Variants in NALF1 observed in about 807,000 individuals in gnomAD.
NALF1 encodes the protein family with sequence similarity 155 member A.
Under a neutral mutation model 48.4 loss-of-function variants are expected in NALF1, and 3 were observed. The observed-to-expected ratio is 0.06, with a 90% CI of 0.03 to 0.16. NALF1 has a LOEUF of 0.16. NALF1 is among the 10% of genes least tolerant of loss of function. NALF1 has a pLI of 1.00. For missense variants in NALF1, 526 were observed against 571.5 expected, an observed-to-expected ratio of 0.92 and a Z score of 0.81; for synonymous variants, 262 against 245.7, an observed-to-expected ratio of 1.07 and a Z score of -0.62.
chr13:107,525,159 G>A (rs1408884424), intron 1 of NALF1, among the ~76,000 whole-genome samples: 2 of 151,988 alleles, frequency 1.3e-5, no homozygotes, highest in African/African-American at 2.4e-5. Flanking sequence ...CTTTCTTAGT[G>A]TGTATAGTTC....
intron 1 of NALF1, among the ~76,000 whole-genome samples, chr13:107,266,325 T>G (rs924536312): frequency 6.6e-6 from 1 of 152,178 alleles, no homozygotes; most frequent in African/African-American, 2.4e-5. Context: ...ATTAATGAAA[T>G]TACATTTTTA....
At chr13:107,818,218 T>C (rs919392371) in intron 1 of NALF1, among the ~76,000 whole-genome samples, 1 of 152,138 alleles carries the variant, frequency 6.6e-6, no homozygotes, top group Non-Finnish European at 1.5e-5. Flanking sequence ...CCCGTTCAGT[T>C]AGACACACGG....
intron 1 of NALF1, among the ~76,000 whole-genome samples, chr13:107,410,253 T>C (rs1883966924): frequency 6.6e-6 from 1 of 152,128 alleles, no homozygotes; most frequent in Non-Finnish European, 1.5e-5. Flanking sequence ...CTGATTTCTC[T>C]CCATTCCACA....
intron 1 of NALF1, among the ~76,000 whole-genome samples, chr13:107,581,704 T>C (rs1462936017): frequency 6.6e-6 from 1 of 152,202 alleles, no homozygotes. Context: ...CCTTGAGCCC[T>C]GTACAGCTCA....
chr13:107,479,531 T>A (rs1258629639), intron 1 of NALF1, among the ~76,000 whole-genome samples: 4 of 152,140 alleles, frequency 2.6e-5, no homozygotes, highest in Admixed American at 2.6e-4. Flanking sequence ...CCTATATGTA[T>A]CCACCTTCAT....
chr13:107,658,066 C>T (rs907566599), intron 1 of NALF1, among the ~76,000 whole-genome samples: 21 of 152,078 alleles, frequency 1.4e-4, no homozygotes, highest in African/African-American at 4.1e-4. Flanking sequence ...TTTAAAATGC[C>T]GATTGTTGGT....
Position 107,370,684 on chromosome 13 carries a change from T to C in NALF1, c.916-159929A>G, listed in dbSNP as rs546453379. On this transcript the variant is annotated intron_variant, in intron 1 of 2. Coordinates refer to ENST00000375915, the MANE Select transcript of NALF1 (RefSeq NM_001080396.3). ...ATACTGGAAAGCAAAACAGTTGTAT[T>C]AGTCCGTTCTCATGCTGCGAACAAA... Among the ~76,000 whole-genome samples the C allele has an allele frequency of 3.3e-5, 5 of 152,346 alleles. No homozygotes were observed. The South Asian group carries it at 1.0e-3, about 32-fold the overall frequency.
chr13:107,299,460 A>T (rs1439518655), intron 1 of NALF1, among the ~76,000 whole-genome samples: 1 of 48,570 alleles, frequency 2.1e-5, no homozygotes, highest in Non-Finnish European at 5.9e-5. Flanking sequence ...TAATAATAAT[A>T]ATAATAATAA....
At position 107,805,512 on chromosome 13, in the gene NALF1, CT is replaced by C. The variant is rs111751614; in HGVS notation, c.915+60169del. Reference sequence around the variant, plus strand: ...TGCATTCCCCACTCTCCCAGGAGCTCTTTTGTTCTTACAGAGGGATAGAAAT... The same window carrying C: ...TGCATTCCCCACTCTCCCAGGAGCTCTTTGTTCTTACAGAGGGATAGAAAT... On this transcript the variant is annotated intron_variant, in intron 1 of 2. Coordinates refer to ENST00000375915, the MANE Select transcript of NALF1 (RefSeq NM_001080396.3). Among the ~76,000 whole-genome samples the C allele has an allele frequency of 7.3e-3, 1,116 of 152,198 alleles. 12 individuals are homozygous for C. Among genetic ancestry groups the C allele is most frequent in the African/African-American group, 0.025 (1,056 of 41,520 alleles).
chr13:107,512,173 T>A (rs1875914420), intron 1 of NALF1, among the ~76,000 whole-genome samples: 1 of 152,164 alleles, frequency 6.6e-6, no homozygotes, highest in Non-Finnish European at 1.5e-5. Context: ...GGCGGGTGGA[T>A]CACGAGGTCA....
chr13:107,256,688 ACT>A, intron 1 of NALF1, among the ~76,000 whole-genome samples: 1 of 120,064 alleles, frequency 8.3e-6, no homozygotes, highest in African/African-American at 3.5e-5. Context: ...AAAAGTTGGG[ACT>A]ACCCTTGTTT....
intron 1 of NALF1, among the ~76,000 whole-genome samples, chr13:107,280,815 T>C (rs555582606): frequency 2.5e-4 from 38 of 152,342 alleles, no homozygotes; most frequent in South Asian, 2.1e-4. Context: ...ACTATGAGAT[T>C]ATACACTTTT....
intron 1 of NALF1, among the ~76,000 whole-genome samples, chr13:107,534,889 A>T (rs140218642): frequency 6.6e-6 from 1 of 152,274 alleles, no homozygotes; most frequent in South Asian, 2.1e-4. Flanking sequence ...TTCTGACTCA[A>T]ACGCATCCAC....
At chr13:107,370,348 T>C (rs1005158882) in intron 1 of NALF1, among the ~76,000 whole-genome samples, 6 of 152,324 alleles carry the variant, frequency 3.9e-5, no homozygotes, top group Non-Finnish European at 4.4e-5. Flanking sequence ...CTCAAGTTTC[T>C]GGAGTTTGCT....
intron 1 of NALF1, among the ~76,000 whole-genome samples, chr13:107,846,218 A>T (rs1880167963): frequency 6.6e-6 from 1 of 152,130 alleles, no homozygotes; most frequent in South Asian, 2.1e-4. Flanking sequence ...GATTTTTCAA[A>T]AACAGAGTAT....
chr13:107,512,345 G>GA (rs1467092572), intron 1 of NALF1, among the ~76,000 whole-genome samples: 1 of 152,164 alleles, frequency 6.6e-6, no homozygotes, highest in Non-Finnish European at 1.5e-5. Flanking sequence ...AGTGAGCCAA[G>GA]ATCATGCCAC....
rs908028900 is a variant in NALF1, at chr13:107,167,344, C to T, written c.*3153G>A. On this transcript the variant is annotated 3_prime_UTR_variant, in exon 3 of 3. Coordinates refer to ENST00000375915, the MANE Select transcript of NALF1 (RefSeq NM_001080396.3). ...GAACATATGCACAACCTTAAGCATG[C>T]TCAAGTGTGTGCCAGGAAAACTACT... 1.3e-5 allele frequency: 2 copies of T among 150,654 alleles called. No homozygotes were observed. Among genetic ancestry groups the T allele is most frequent in the South Asian group, 4.1e-4 (2 of 4,826 alleles). The allele number at this position is 150,654 out of a possible 1,614,324, so 9.3% of individuals were successfully genotyped here. A position where few individuals can be genotyped will look rare whatever the true frequency, so the allele number is the denominator to read the frequency against.
intron 1 of NALF1, among the ~76,000 whole-genome samples, chr13:107,810,852 C>T (rs981578598): frequency 3.9e-5 from 6 of 152,074 alleles, no homozygotes; most frequent in South Asian, 2.1e-4. Context: ...ATGTTGCTTT[C>T]GCATATTGGT....
intron 1 of NALF1, among the ~76,000 whole-genome samples, chr13:107,565,743 C>T (rs1383302853): frequency 1.3e-5 from 2 of 152,130 alleles, no homozygotes; most frequent in African/African-American, 4.8e-5. Flanking sequence ...AGGTTATGGC[C>T]TCTGTAACTT....
Sources: gnomAD v4.1 joint callset for allele counts (sites outside exome capture counted in the v4.1 genomes callset) on GRCh38, gnomAD v4.1.1 for gene constraint, MANE v1.5 for transcripts, NCBI Gene and HGNC (gene_info 2026-07-23, HGNC 2026-07-21) for gene names.